The following TXNRD2 variants were observed in gnomAD, a reference collection of about 807,000 sequenced individuals.
TXNRD2 encodes thioredoxin reductase 2, mitochondrial.
In TXNRD2, 67 loss-of-function variants were observed where a neutral mutation model predicts 70.8. That is an observed-to-expected ratio of 0.95 (90% CI 0.78 to 1.16). The LOEUF (loss-of-function observed/expected upper bound fraction) is 1.16. Among genes scored for constraint, TXNRD2 ranks in the 50% most tolerant of loss-of-function variants. The pLI is 0.00. For missense variants in TXNRD2, 644 were observed against 719.9 expected, an observed-to-expected ratio of 0.89 and a Z score of 1.21; for synonymous variants, 301 against 295.8, an observed-to-expected ratio of 1.02 and a Z score of -0.18.
In TXNRD2 at chr22:19,880,588, T is replaced by C. The variant is rs372510675; in HGVS notation, c.1182+34A>G. ...AGCTAGCCTCGAACTCAGCCTGTCC[T>C]AGGCTGCACGTGGCGTCCTGCTAGA... On this transcript the variant is annotated intron_variant, in intron 13 of 17. Coordinates refer to ENST00000400521, the MANE Select transcript of TXNRD2 (RefSeq NM_006440.5). The C allele has an allele frequency of 6.9e-6, 11 of 1,586,944 alleles. No individual in the cohort carries two copies. In the Admixed American group the frequency reaches 1.2e-4, roughly 17 times the overall value.
At position 19,915,528 on chromosome 22, in the gene TXNRD2, A is replaced by G. The variant is rs151338592; in HGVS notation, c.528+237T>C. 4.8e-3 allele frequency among the ~76,000 whole-genome samples: 736 copies of G among 152,300 alleles called. 6 individuals are homozygous for G. Among genetic ancestry groups the G allele is most frequent in the African/African-American group, 0.017 (712 of 41,570 alleles). On this transcript the variant is annotated intron_variant, in intron 6 of 17. Transcript: ENST00000400521. ...ACTTCAAGGCACCCTCAAATCCCCA[A>G]AAAATCCTGCAAAAAGGGTGTGGTC... is the stretch of plus-strand genomic sequence containing the variant.
intron 11 of TXNRD2, among the ~76,000 whole-genome samples, chr22:19,885,962 G>A (rs568971737): frequency 7.9e-5 from 12 of 152,360 alleles, no homozygotes; most frequent in Admixed American, 5.2e-4. Context: ...GGACTCTTCC[G>A]CACATGCTCT....
chr22:19,915,180 G>A (rs780117680), intron 7 of TXNRD2, 34 bp downstream of exon 7: 48 of 1,609,400 alleles, frequency 3.0e-5, no homozygotes, highest in Admixed American at 1.2e-4. Context: ...AATGGGCCAC[G>A]GCAGCAGGGA....
chr22:19,909,733 A>T (rs1452977830), intron 8 of TXNRD2, among the ~76,000 whole-genome samples: 3 of 132,496 alleles, frequency 2.3e-5, no homozygotes, highest in Admixed American at 7.7e-5. Flanking sequence ...CACACCACTC[A>T]CACACACACC....
At chr22:19,889,297 C>T (rs1233836436) in intron 11 of TXNRD2, among the ~76,000 whole-genome samples, 1 of 152,188 alleles carries the variant, frequency 6.6e-6, no homozygotes, top group Non-Finnish European at 1.5e-5. Context: ...TGCTCTGTGG[C>T]GAGTGGTCAT....
chr22:19,904,850 C>A (rs921812137), intron 8 of TXNRD2, among the ~76,000 whole-genome samples: 1 of 152,192 alleles, frequency 6.6e-6, no homozygotes, highest in Non-Finnish European at 1.5e-5. Context: ...ATGTCCCACC[C>A]GACTACGGGA....
At chr22:19,924,545 C>T (rs1272306154) in intron 2 of TXNRD2, among the ~76,000 whole-genome samples, 1 of 152,142 alleles carries the variant, frequency 6.6e-6, no homozygotes, top group Admixed American at 6.5e-5. Context: ...AGCCATTCTG[C>T]ATGTTCAAAC....
At chr22:19,929,055 C>T (rs1311026733) in intron 2 of TXNRD2, among the ~76,000 whole-genome samples, 2 of 150,352 alleles carry the variant, frequency 1.3e-5, no homozygotes, top group South Asian at 2.1e-4. Context: ...AGGCCGGGCG[C>T]GGTGGCTCAC....
intron 7 of TXNRD2, among the ~76,000 whole-genome samples, chr22:19,911,902 G>A (rs1253848039): frequency 1.3e-5 from 2 of 152,216 alleles, no homozygotes; most frequent in Non-Finnish European, 2.9e-5. Context: ...GAAGTGGGGA[G>A]AGAACAGGTC....
At chr22:19,883,814 G>A (rs895040270) in intron 11 of TXNRD2, 4 of 336,390 alleles carry the variant, frequency 1.2e-5, no homozygotes, top group Admixed American at 8.2e-5. Flanking sequence ...TTACCTAGGC[G>A]TAGTGGTGCA....
chr22:19,903,634 C>T (rs1270879194), intron 8 of TXNRD2, among the ~76,000 whole-genome samples: 2 of 152,186 alleles, frequency 1.3e-5, no homozygotes, highest in Admixed American at 6.5e-5. Flanking sequence ...GGAGTTGGAG[C>T]TCAGCTCCTT....
At chr22:19,923,844 CTTTTTTTTT>C (rs34120716) in intron 2 of TXNRD2, among the ~76,000 whole-genome samples, 1 of 78,120 alleles carries the variant, frequency 1.3e-5, no homozygotes, top group Admixed American at 1.7e-4. Flanking sequence ...ACCCCTGAGG[CTTTTTTTTT>C]TTTTTTTTTT....
intron 2 of TXNRD2, among the ~76,000 whole-genome samples, chr22:19,930,810 G>C (rs1941329595): frequency 6.6e-6 from 1 of 152,252 alleles, no homozygotes; most frequent in Non-Finnish European, 1.5e-5. Flanking sequence ...TGGAGGGCTG[G>C]AGCTGAGGAA....
intron 1 of TXNRD2, among the ~76,000 whole-genome samples, chr22:19,931,679 G>A (rs1941365415): frequency 6.6e-6 from 1 of 152,060 alleles, no homozygotes; most frequent in South Asian, 2.1e-4. Context: ...AAATTTTTTT[G>A]TTTTGTAGAG....
intron 1 of TXNRD2, chr22:19,933,587 C>T: frequency 7.1e-6 from 8 of 1,127,212 alleles, no homozygotes; most frequent in Non-Finnish European, 9.4e-6. Context: ...AGCTTGCTCG[C>T]CCCCTGTGCA....
chr22:19,878,495 T>C (rs1938613129), intron 14 of TXNRD2, 58 bp from the exon 15 acceptor site: 1 of 1,481,020 alleles, frequency 6.8e-7, no homozygotes, highest in Non-Finnish European at 9.4e-7. Context: ...TCGTGGCACC[T>C]GCAGCTCCCA....
chr22:19,882,291 C>A (rs986046733), intron 12 of TXNRD2, among the ~76,000 whole-genome samples: 1 of 152,152 alleles, frequency 6.6e-6, no homozygotes, highest in Non-Finnish European at 1.5e-5. Flanking sequence ...TTCCTCCTCC[C>A]GAGTTCAAAT....
At chr22:19,897,102 A>C (rs550571787) in intron 10 of TXNRD2, among the ~76,000 whole-genome samples, 3 of 151,368 alleles carry the variant, frequency 2.0e-5, no homozygotes, top group African/African-American at 7.3e-5. Flanking sequence ...CTGCGTCCCT[A>C]CCACAGGGCT....
Position 19,919,744 on chromosome 22 carries a change from T to C in TXNRD2, c.173-145A>G, listed in dbSNP as rs1300800774. ...CCCACACAGTGGCTGAGCTGCGCAA[T>C]GCTAGGGACCCCTGATCTGCCTCTG... is the stretch of plus-strand genomic sequence containing the variant. On this transcript the variant is annotated intron_variant, in intron 2 of 17. Transcript: ENST00000400521. The C allele has an allele frequency of 8.8e-6, 7 of 791,020 alleles. No homozygotes were observed. The Admixed American group carries it at 1.5e-4, about 16-fold the overall frequency. The allele number at this position is 791,020 out of a possible 1,614,324, so 49.0% of individuals were successfully genotyped here. A position where few individuals can be genotyped will look rare whatever the true frequency, so the allele number is the denominator to read the frequency against.
Sources: gnomAD v4.1 joint callset for allele counts (sites outside exome capture counted in the v4.1 genomes callset) on GRCh38, gnomAD v4.1.1 for gene constraint, MANE v1.5 for transcripts, NCBI Gene and HGNC (gene_info 2026-07-23, HGNC 2026-07-21) for gene names.